The following FER variants were observed in gnomAD, a reference collection of about 807,000 sequenced individuals.
The protein encoded by FER is tyrosine-protein kinase Fer.
Under a neutral mutation model 111.0 loss-of-function variants are expected in FER, and 63 were observed. That is an observed-to-expected ratio of 0.57 (90% CI 0.46 to 0.70). FER has a LOEUF of 0.70. Among genes scored for constraint, FER ranks in the 30% least tolerant of loss-of-function variants. FER has a pLI of 0.00. For missense variants in FER, 914 were observed against 954.0 expected, an observed-to-expected ratio of 0.96 and a Z score of 0.55; for synonymous variants, 327 against 313.9, an observed-to-expected ratio of 1.04 and a Z score of -0.44.
chr5:109,100,840 G>A (rs1031336344), intron 17 of FER, among the ~76,000 whole-genome samples: 1 of 150,120 alleles, frequency 6.7e-6, no homozygotes, highest in Non-Finnish European at 1.5e-5. Context: ...AATCAGATAA[G>A]ATTGTTTCAT....
chr5:108,759,278 G>A (rs978026440), intron 1 of FER, among the ~76,000 whole-genome samples: 2 of 152,330 alleles, frequency 1.3e-5, no homozygotes, highest in African/African-American at 4.8e-5. Context: ...TTATAACAAG[G>A]ATGGCCTTTC....
At chr5:109,111,533 TA>T (rs3064688) in intron 17 of FER, among the ~76,000 whole-genome samples, 4 of 151,904 alleles carry the variant, frequency 2.6e-5, no homozygotes, top group African/African-American at 7.3e-5. Context: ...AACCTTATAA[TA>T]AAAAATTCTG....
At chr5:108,896,867 C>G (rs1309155875) in intron 9 of FER, among the ~76,000 whole-genome samples, 3 of 152,124 alleles carry the variant, frequency 2.0e-5, no homozygotes, top group Non-Finnish European at 4.4e-5. Flanking sequence ...AACTTACTTT[C>G]AGCAGTGCAT....
At chr5:109,081,353 T>G (rs915306956) in intron 16 of FER, among the ~76,000 whole-genome samples, 5 of 152,076 alleles carry the variant, frequency 3.3e-5, no homozygotes, top group Non-Finnish European at 7.4e-5. Context: ...AACAAGTTAC[T>G]TTAATCTTAT....
intron 2 of FER, among the ~76,000 whole-genome samples, chr5:108,776,890 TATACTTTTTAAAAGTAG>T (rs1753555211): frequency 6.6e-6 from 1 of 152,248 alleles, no homozygotes; most frequent in Non-Finnish European, 1.5e-5. Flanking sequence ...TTTTTAAAAA[TATACTTTTTAAAAGTAG>T]ATACTGTTGC....
At chr5:109,034,955 A>G (rs1369104840) in intron 13 of FER, among the ~76,000 whole-genome samples, 1 of 151,254 alleles carries the variant, frequency 6.6e-6, no homozygotes, top group Non-Finnish European at 1.5e-5. Context: ...AATGAACTTT[A>G]TGGATGTGTA....
chr5:109,044,545 G>A, intron 14 of FER, 135 bp from the exon 15 acceptor site: 1 of 517,112 alleles, frequency 1.9e-6, no homozygotes, highest in East Asian at 3.1e-5. Context: ...TCGTATGTCT[G>A]ATAGAAATTA....
chr5:108,983,533 T>G (rs962428042), intron 13 of FER, among the ~76,000 whole-genome samples: 2 of 152,136 alleles, frequency 1.3e-5, no homozygotes, highest in Non-Finnish European at 2.9e-5. Flanking sequence ...TTTTGTCCTC[T>G]GATGACAGTG....
rs181532764 is a variant in FER, at chr5:109,153,513, G to A, written c.2049-27234G>A. On this transcript the variant is annotated intron_variant, in intron 17 of 19. Coordinates refer to ENST00000281092, the MANE Select transcript of FER (RefSeq NM_005246.4). ...GTAATAAAGTGTGCTAACAATTCCA[G>A]TATATCATATTTGACTGAAAGATCT... is the stretch of plus-strand genomic sequence containing the variant. Among the ~76,000 whole-genome samples, 59 of 151,982 alleles carry A rather than the reference G, an allele frequency of 3.9e-4. No homozygotes were observed. The East Asian group carries it at 9.9e-3, about 25-fold the overall frequency.
intron 13 of FER, among the ~76,000 whole-genome samples, chr5:108,984,298 C>T (rs1762328211): frequency 6.6e-6 from 1 of 152,038 alleles, no homozygotes; most frequent in South Asian, 2.1e-4. Flanking sequence ...AGAATGTGTT[C>T]ACCAGATGTA....
intron 13 of FER, among the ~76,000 whole-genome samples, chr5:109,023,572 A>G (rs960218665): frequency 6.6e-6 from 1 of 152,014 alleles, no homozygotes; most frequent in African/African-American, 2.4e-5. Context: ...TTTCAGTCTC[A>G]GCTTAAATGC....
chr5:108,794,527 C>CCT (rs1554066065), intron 2 of FER, among the ~76,000 whole-genome samples: 1 of 3,598 alleles, frequency 2.8e-4, no homozygotes, highest in African/African-American at 1.1e-3. Context: ...CCCCTCCGCA[C>CCT]CCCCCCCCCT....
chr5:109,021,324 G>C (rs1767896990), intron 13 of FER, among the ~76,000 whole-genome samples: 1 of 151,944 alleles, frequency 6.6e-6, no homozygotes, highest in Non-Finnish European at 1.5e-5. Context: ...CTTTCTGGAT[G>C]CTTCTTTTAG....
At chr5:108,771,573 G>A (rs955620540) in intron 2 of FER, among the ~76,000 whole-genome samples, 1 of 152,050 alleles carries the variant, frequency 6.6e-6, no homozygotes, top group South Asian at 2.1e-4. Context: ...CTTCAAACTG[G>A]TCTCCTCTCA....
chr5:109,169,212 A>G (rs1025517778), intron 17 of FER, among the ~76,000 whole-genome samples: 3 of 152,190 alleles, frequency 2.0e-5, no homozygotes, highest in Admixed American at 2.0e-4. Context: ...AAAAGTAGCT[A>G]TGCATATGAA....
chr5:109,124,222 G>A (rs899683527), intron 17 of FER, among the ~76,000 whole-genome samples: 1 of 152,182 alleles, frequency 6.6e-6, no homozygotes, highest in African/African-American at 2.4e-5. Flanking sequence ...GCAAGACCCT[G>A]TCTCAAAAAA....
intron 13 of FER, among the ~76,000 whole-genome samples, chr5:109,024,925 G>C (rs1561790760): frequency 6.6e-6 from 1 of 150,434 alleles, no homozygotes; most frequent in Non-Finnish European, 1.5e-5. Context: ...AGATCAGATA[G>C]TTGTAGATAT....
chr5:109,186,570 A>G (rs1758891920), intron 19 of FER, among the ~76,000 whole-genome samples: 1 of 152,164 alleles, frequency 6.6e-6, no homozygotes. Flanking sequence ...TGACAGCTGC[A>G]GGATTGTGCT....
At chr5:108,809,228 G>A (rs973195904) in intron 3 of FER, among the ~76,000 whole-genome samples, 19 of 152,252 alleles carry the variant, frequency 1.2e-4, no homozygotes, top group Admixed American at 1.0e-3. Flanking sequence ...CAGGAATGAC[G>A]TAACTTGTAG....
Sources: allele counts gnomAD v4.1 joint callset (sites outside exome capture counted in the v4.1 genomes callset), GRCh38; gene constraint gnomAD v4.1.1; transcripts MANE v1.5; gene names NCBI Gene and HGNC (gene_info 2026-07-23, HGNC 2026-07-21).